Variants in PTPN2 observed in about 807,000 individuals in gnomAD.
The protein encoded by PTPN2 is protein tyrosine phosphatase non-receptor type 2.
PTPN2 carries 19 observed loss-of-function variants against 57.3 expected under a neutral mutation model. The observed-to-expected ratio is 0.33, with a 90% CI of 0.23 to 0.49. The LOEUF (loss-of-function observed/expected upper bound fraction) is 0.49. Among genes scored for constraint, PTPN2 ranks in the 20% least tolerant of loss-of-function variants. The probability of loss-of-function intolerance (pLI) is 0.99; values close to 1 mark genes in which losing one functional copy is unlikely to be tolerated. For synonymous variants in PTPN2, 153 were observed against 164.9 expected, an observed-to-expected ratio of 0.93 and a Z score of 0.55; for missense variants, 358 against 501.1, an observed-to-expected ratio of 0.71 and a Z score of 2.73.
downstream of PTPN2, among the ~76,000 whole-genome samples, chr18:12,789,751 A>G (rs1454102254): frequency 1.3e-5 from 2 of 152,248 alleles, no homozygotes; most frequent in South Asian, 4.1e-4. Flanking sequence ...AATGGACTAC[A>G]TGCCTAATGA....
At chr18:12,873,437 G>A (rs1237326434) in intron 1 of PTPN2, among the ~76,000 whole-genome samples, 2 of 152,332 alleles carry the variant, frequency 1.3e-5, no homozygotes, top group Non-Finnish European at 1.5e-5. Context: ...GCAGGTGCGC[G>A]CCGCCATGCC....
chr18:12,806,810 C>T (rs542964103), intron 7 of PTPN2, among the ~76,000 whole-genome samples: 10 of 152,088 alleles, frequency 6.6e-5, no homozygotes, highest in Admixed American at 3.9e-4. Flanking sequence ...GGACTAAAGA[C>T]TTAAATATGA....
intron 7 of PTPN2, among the ~76,000 whole-genome samples, chr18:12,810,394 G>A (rs957658969): frequency 3.9e-5 from 6 of 151,938 alleles, no homozygotes; most frequent in African/African-American, 7.2e-5. Flanking sequence ...ACACTTCACC[G>A]TTCCCAGATA....
At chr18:12,873,214 C>A (rs1598892805) in intron 1 of PTPN2, among the ~76,000 whole-genome samples, 1 of 150,764 alleles carries the variant, frequency 6.6e-6, no homozygotes, top group East Asian at 2.0e-4. Flanking sequence ...GAGTAAGACT[C>A]CGTCTCAAGA....
intron 5 of PTPN2, among the ~76,000 whole-genome samples, chr18:12,823,923 G>A (rs2042358053): frequency 2.0e-5 from 3 of 152,096 alleles, no homozygotes; most frequent in Non-Finnish European, 4.4e-5. Flanking sequence ...GTTACTTAAG[G>A]TATAATCAAT....
intron 6 of PTPN2, 62 bp from the exon 7 acceptor site, chr18:12,814,417 G>A: frequency 3.6e-6 from 5 of 1,388,526 alleles, no homozygotes; most frequent in Non-Finnish European, 4.9e-6. Context: ...CAGAATCAAT[G>A]CAAGATCATT....
chr18:12,788,432 C>CT (rs71174142), downstream of PTPN2, among the ~76,000 whole-genome samples: 30,869 of 89,778 alleles, frequency 0.34, 5,925 homozygotes, highest in Admixed American at 0.49. Flanking sequence ...GGGATCAGGG[C>CT]TTTTTTTTTT....
Position 12,792,883 on chromosome 18 carries a change from G to A in PTPN2, c.*1395C>T, listed in dbSNP as rs1209958799. ...TGGGATTACAGGCATGAGCCACCGC[G>A]CCCGACCAAACTGTTTTTAAATGAT... On this transcript the variant is annotated 3_prime_UTR_variant, in exon 9 of 9. Coordinates refer to ENST00000309660, the MANE Select transcript of PTPN2 (RefSeq NM_002828.4). The A allele has an allele frequency of 1.8e-5, 18 of 974,916 alleles. No individual in the cohort carries two copies. The highest frequency in any genetic ancestry group is 4.8e-5 in the South Asian group (1 of 21,038). 60.4% of individuals were successfully genotyped at this position (974,916 alleles called of 1,614,324 possible).
chr18:12,870,265 ATATATATG>A lies in PTPN2; in HGVS notation c.70-11019_70-11012del, dbSNP rs1255065248. 5.3e-3 allele frequency among the ~76,000 whole-genome samples: 516 copies of A among 97,938 alleles called. 12 individuals carry two copies. The highest frequency in any genetic ancestry group is 7.0e-3 in the Non-Finnish European group (393 of 55,842). 64.3% of individuals were successfully genotyped at this position (97,938 alleles called of 152,430 possible). On this transcript the variant is annotated intron_variant, in intron 1 of 8. Coordinates refer to ENST00000309660, the MANE Select transcript of PTPN2 (RefSeq NM_002828.4). ...TCCAGTACTTAACTTTAGCATATAT[ATATATATG>A]TATATATATACATATACATATATAT...
chr18:12,813,045 G>C (rs1313817601), intron 7 of PTPN2, among the ~76,000 whole-genome samples: 1 of 151,264 alleles, frequency 6.6e-6, no homozygotes, highest in African/African-American at 2.4e-5. Flanking sequence ...GCAGTGGTAG[G>C]AAAGACACAA....
At chr18:12,874,553 G>T (rs1477493421) in intron 1 of PTPN2, among the ~76,000 whole-genome samples, 3 of 104,780 alleles carry the variant, frequency 2.9e-5, no homozygotes, top group African/African-American at 7.5e-5. Context: ...TCAGCTCCCC[G>T]CCCGGCCAGC....
chr18:12,802,798 C>G (rs563690623), intron 7 of PTPN2, among the ~76,000 whole-genome samples: 1 of 152,166 alleles, frequency 6.6e-6, no homozygotes, highest in East Asian at 1.9e-4. Flanking sequence ...GGAGTCTTTC[C>G]CAGACAAGCA....
chr18:12,824,082 G>C (rs1185829567), intron 5 of PTPN2, among the ~76,000 whole-genome samples: 3 of 152,164 alleles, frequency 2.0e-5, no homozygotes, highest in African/African-American at 7.2e-5. Context: ...TGGAAATACA[G>C]TTCTGTTTCT....
intron 5 of PTPN2, chr18:12,818,996 A>G (rs1165318367): frequency 1.2e-5 from 3 of 260,114 alleles, no homozygotes; most frequent in East Asian, 1.6e-4. Flanking sequence ...TGGGAGGCTG[A>G]GGTGGGAGAA....
intron 7 of PTPN2, among the ~76,000 whole-genome samples, chr18:12,805,497 T>A (rs2041612554): frequency 6.6e-6 from 1 of 151,378 alleles, no homozygotes; most frequent in African/African-American, 2.4e-5. Flanking sequence ...TGATAAAAAC[T>A]CTCAACAAAT....
chr18:12,875,718 CCCAGACCTTATCTGT>C (rs2044465305), intron 1 of PTPN2, among the ~76,000 whole-genome samples: 1 of 152,252 alleles, frequency 6.6e-6, no homozygotes, highest in East Asian at 1.9e-4. Context: ...ATTTCGCGTA[CCCAGACCTTATCTGT>C]CCATCTCTCT....
intron 8 of PTPN2, among the ~76,000 whole-genome samples, chr18:12,794,969 A>C (rs2041116489): frequency 6.6e-6 from 1 of 152,184 alleles, no homozygotes; most frequent in South Asian, 2.1e-4. Context: ...GTACCTTGAC[A>C]ACCATTCCTG....
chr18:12,837,559 A>G (rs1040045518), intron 2 of PTPN2, among the ~76,000 whole-genome samples: 1 of 152,252 alleles, frequency 6.6e-6, no homozygotes, highest in African/African-American at 2.4e-5. Context: ...ACAAAATGTG[A>G]CCTTATACAT....
chr18:12,830,478 G>A (rs59520091), intron 4 of PTPN2, among the ~76,000 whole-genome samples: 1,692 of 152,224 alleles, frequency 0.011, 28 homozygotes, highest in East Asian at 0.057. Flanking sequence ...AAAAACCCCT[G>A]TAAATGACTA....
Sources: allele counts gnomAD v4.1 joint callset (sites outside exome capture counted in the v4.1 genomes callset), GRCh38; gene constraint gnomAD v4.1.1; transcripts MANE v1.5; gene names NCBI Gene and HGNC (gene_info 2026-07-23, HGNC 2026-07-21).